The following PLA2R1 variants were observed in gnomAD, a reference collection of about 807,000 sequenced individuals.
PLA2R1 encodes phospholipase A2 receptor 1, also known as secretory phospholipase A2 receptor.
PLA2R1 carries 158 observed loss-of-function variants against 195.9 expected under a neutral mutation model. That is an observed-to-expected ratio of 0.81 (90% CI 0.71 to 0.92). PLA2R1 has a LOEUF of 0.92. Ranked by LOEUF, PLA2R1 falls within the 40% of genes least tolerant of loss-of-function variation. The pLI is 0.00. For missense variants in PLA2R1, 1,626 were observed against 1,764.6 expected, an observed-to-expected ratio of 0.92 and a Z score of 1.41; for synonymous variants, 586 against 598.2, an observed-to-expected ratio of 0.98 and a Z score of 0.30.
chr2:159,981,704 C>A (rs1689966600), intron 13 of PLA2R1, among the ~76,000 whole-genome samples: 1 of 152,104 alleles, frequency 6.6e-6, no homozygotes, highest in African/African-American at 2.4e-5. Flanking sequence ...TGCACCCAGT[C>A]AAGAATTTTT....
chr2:160,000,212 C>A (rs544340653), intron 11 of PLA2R1, among the ~76,000 whole-genome samples: 1 of 152,228 alleles, frequency 6.6e-6, no homozygotes, highest in East Asian at 1.9e-4. Flanking sequence ...TCCCAAATGG[C>A]CACTTTTGGT....
At chr2:160,062,246 AC>A (rs760651173) in intron 1 of PLA2R1, 48 bp downstream of exon 1, 7 of 827,568 alleles carry the variant, frequency 8.5e-6, no homozygotes, top group East Asian at 4.0e-5. Context: ...GACCACCCCG[AC>A]CCCCCTCCCC....
the PLA2R1 span, among the ~76,000 whole-genome samples, chr2:159,924,436 T>C: frequency 0.027 from 4,105 of 152,252 alleles, 165 homozygotes; most frequent in African/African-American, 0.088. Flanking sequence ...TCAGATCTCA[T>C]TGGTGGAGCC....
At chr2:159,952,171 AAT>A (rs1257922879) in intron 23 of PLA2R1, among the ~76,000 whole-genome samples, 1 of 152,236 alleles carries the variant, frequency 6.6e-6, no homozygotes, top group African/African-American at 2.4e-5. Context: ...AGTTACTATT[AAT>A]ATGTCACCTG....
downstream of PLA2R1, among the ~76,000 whole-genome samples, chr2:159,928,243 C>T (rs1214246815): frequency 6.6e-6 from 1 of 152,104 alleles, no homozygotes; most frequent in African/African-American, 2.4e-5. Context: ...GCCTGGTGTC[C>T]CTGTTGTGGA....
At chr2:160,007,459 G>A (rs1303976713) in intron 10 of PLA2R1, among the ~76,000 whole-genome samples, 12 of 152,114 alleles carry the variant, frequency 7.9e-5, no homozygotes, top group Admixed American at 6.6e-4. Flanking sequence ...AAAATCCCCC[G>A]AGGCCTTAGC....
At chr2:159,969,725 TAGAG>T (rs112985817) in intron 18 of PLA2R1, among the ~76,000 whole-genome samples, 3 of 152,214 alleles carry the variant, frequency 2.0e-5, no homozygotes, top group African/African-American at 7.2e-5. Flanking sequence ...GTATTTTTAG[TAGAG>T]AGAGAGTTTC....
At chr2:160,039,610 C>A (rs1429282519) in intron 3 of PLA2R1, among the ~76,000 whole-genome samples, 1 of 152,034 alleles carries the variant, frequency 6.6e-6, no homozygotes, top group Non-Finnish European at 1.5e-5. Context: ...CTTGTTGACC[C>A]CATGGAAAGA....
chr2:159,987,602 C>T (rs1690442742), intron 11 of PLA2R1, among the ~76,000 whole-genome samples: 1 of 152,178 alleles, frequency 6.6e-6, no homozygotes, highest in South Asian at 2.1e-4. Context: ...ACCTTGTCTG[C>T]TTTGTGCTCA....
intron 17 of PLA2R1, among the ~76,000 whole-genome samples, chr2:159,970,617 T>C (rs1223653091): frequency 6.6e-6 from 1 of 152,206 alleles, no homozygotes; most frequent in Admixed American, 6.5e-5. Context: ...CAATTCAAGG[T>C]ATCAAGGCAT....
chr2:160,037,139 C>T (rs1694214399), intron 3 of PLA2R1, among the ~76,000 whole-genome samples: 1 of 152,200 alleles, frequency 6.6e-6, no homozygotes, highest in Non-Finnish European at 1.5e-5. Context: ...CTGAAGCCAC[C>T]ACTACTCCTG....
At chr2:159,987,829 T>C (rs568395198) in intron 11 of PLA2R1, among the ~76,000 whole-genome samples, 1 of 151,996 alleles carries the variant, frequency 6.6e-6, no homozygotes, top group South Asian at 2.1e-4. Flanking sequence ...CTGTAAACCT[T>C]GGAAGAATGA....
intron 9 of PLA2R1, 132 bp from the exon 10 acceptor site, chr2:160,013,507 CTT>C: frequency 2.1e-6 from 1 of 474,978 alleles, no homozygotes; most frequent in South Asian, 4.0e-5. Context: ...GAATTTTTGT[CTT>C]GATATTTTTA....
chr2:160,015,763 A>T (rs2667042), intron 9 of PLA2R1, among the ~76,000 whole-genome samples: 110,285 of 152,108 alleles, frequency 0.73, 40,443 homozygotes, highest in East Asian at 0.87. Flanking sequence ...TGAAGTTCAC[A>T]TGTTTACACA....
intron 6 of PLA2R1, 106 bp downstream of exon 6, chr2:160,028,112 T>C: frequency 2.9e-6 from 2 of 690,710 alleles, no homozygotes; most frequent in East Asian, 2.8e-5. Flanking sequence ...AAACTAGATT[T>C]AGCTAAGTTT....
chr2:160,014,683 C>A (rs1692612278), intron 9 of PLA2R1, among the ~76,000 whole-genome samples: 1 of 152,046 alleles, frequency 6.6e-6, no homozygotes, highest in South Asian at 2.1e-4. Context: ...TTAAAGAAAA[C>A]CTTAATTTAG....
At chr2:159,942,254 G>T in intron 28 of PLA2R1, 95 bp from the exon 29 acceptor site, 2 of 869,692 alleles carry the variant, frequency 2.3e-6, no homozygotes, top group South Asian at 1.5e-5. Flanking sequence ...TATGGCCCAT[G>T]ACCCTATTTT....
chr2:160,014,216 T>C (rs1692579838), intron 9 of PLA2R1, among the ~76,000 whole-genome samples: 1 of 142,832 alleles, frequency 7.0e-6, no homozygotes, highest in Non-Finnish European at 1.5e-5. Flanking sequence ...CCAATATATG[T>C]ATTTTTTCTT....
intron 23 of PLA2R1, 134 bp downstream of exon 23, chr2:159,955,065 G>T: frequency 1.5e-6 from 1 of 645,450 alleles, no homozygotes; most frequent in Non-Finnish European, 2.7e-6. Flanking sequence ...CTTATGTAAA[G>T]CCAAAGAAGA....
Sources: allele counts gnomAD v4.1 joint callset (sites outside exome capture counted in the v4.1 genomes callset), GRCh38; gene constraint gnomAD v4.1.1; transcripts MANE v1.5; gene names NCBI Gene and HGNC (gene_info 2026-07-23, HGNC 2026-07-21).